Variants in METTL15 observed in about 807,000 individuals in gnomAD.
METTL15 encodes the protein methyltransferase 15, mitochondrial 12S rRNA N4-cytidine.
METTL15 carries 34 observed loss-of-function variants against 38.3 expected under a neutral mutation model. That is an observed-to-expected ratio of 0.89 (90% CI 0.68 to 1.18). The LOEUF is 1.18. Ranked by LOEUF, METTL15 falls within the 50% of genes most tolerant of loss-of-function variation. The pLI is 0.00. For synonymous variants in METTL15, 162 were observed against 170.9 expected, an observed-to-expected ratio of 0.95 and a Z score of 0.41; for missense variants, 438 against 498.4, an observed-to-expected ratio of 0.88 and a Z score of 1.15.
At chr11:28,451,162 A>C (rs1049339360) in intron 6 of METTL15, among the ~76,000 whole-genome samples, 1 of 152,210 alleles carries the variant, frequency 6.6e-6, no homozygotes, top group Non-Finnish European at 1.5e-5. Context: ...CAAAAAACTT[A>C]CGGGAAGAGC....
intron 4 of METTL15, among the ~76,000 whole-genome samples, chr11:28,354,442 A>T (rs1850072748): frequency 6.6e-6 from 1 of 152,204 alleles, no homozygotes; most frequent in Admixed American, 6.5e-5. Flanking sequence ...TAAGACAGAG[A>T]GGAACCTAAC....
intron 6 of METTL15, among the ~76,000 whole-genome samples, chr11:28,457,441 T>G (rs542492056): frequency 6.2e-4 from 94 of 152,354 alleles, no homozygotes; most frequent in African/African-American, 2.0e-3. Flanking sequence ...TTAAGCACTC[T>G]ATAATTTATG....
intron 3 of METTL15, among the ~76,000 whole-genome samples, chr11:28,171,160 A>C (rs939733478): frequency 6.6e-6 from 1 of 152,064 alleles, no homozygotes; most frequent in Admixed American, 6.6e-5. Flanking sequence ...ATACCTTTTT[A>C]TATTTCTTTA....
intron 4 of METTL15, among the ~76,000 whole-genome samples, chr11:28,270,748 A>G (rs1855610405): frequency 6.6e-6 from 1 of 152,210 alleles, no homozygotes; most frequent in Non-Finnish European, 1.5e-5. Flanking sequence ...GGTAGCTATC[A>G]GTCATTTGTT....
intron 6 of METTL15, among the ~76,000 whole-genome samples, chr11:28,461,085 G>A (rs1387389480): frequency 1.3e-5 from 2 of 151,942 alleles, no homozygotes; most frequent in African/African-American, 2.4e-5. Context: ...TTCCCAAGAA[G>A]GGGGACAGAT....
At chr11:28,325,320 G>T (rs1849598839) in intron 6 of METTL15, among the ~76,000 whole-genome samples, 1 of 152,172 alleles carries the variant, frequency 6.6e-6, no homozygotes, top group South Asian at 2.1e-4. Flanking sequence ...CCAAAGCACA[G>T]CCATGTTCCT....
At chr11:28,187,098 A>G (rs1851523283) in intron 3 of METTL15, among the ~76,000 whole-genome samples, 1 of 151,256 alleles carries the variant, frequency 6.6e-6, no homozygotes, top group African/African-American at 2.4e-5. Context: ...TAAATAATAG[A>G]AAGCTTCAAA....
intron 6 of METTL15, among the ~76,000 whole-genome samples, chr11:28,435,492 G>C (rs914216875): frequency 2.0e-5 from 3 of 152,140 alleles, no homozygotes; most frequent in South Asian, 2.1e-4. Context: ...ATGCTCCTCA[G>C]TCTATTGTTC....
intron 5 of METTL15, among the ~76,000 whole-genome samples, chr11:28,408,658 T>A (rs1850697649): frequency 6.6e-6 from 1 of 152,184 alleles, no homozygotes; most frequent in Non-Finnish European, 1.5e-5. Context: ...CAAAGACTAC[T>A]TAATGATGTG....
intron 5 of METTL15, among the ~76,000 whole-genome samples, chr11:28,410,515 A>G (rs1850715323): frequency 6.6e-6 from 1 of 152,188 alleles, no homozygotes; most frequent in Non-Finnish European, 1.5e-5. Context: ...AATAAAAAGT[A>G]TAAACACTTG....
chr11:28,111,958 TC>T (rs550588245), intron 2 of METTL15, among the ~76,000 whole-genome samples: 60 of 149,016 alleles, frequency 4.0e-4, no homozygotes, highest in African/African-American at 7.1e-4. Flanking sequence ...GATCACTCAT[TC>T]CCCCCCCCAC....
chr11:28,339,246 G>T (rs1849928476), intron 3 of METTL15, among the ~76,000 whole-genome samples: 1 of 151,992 alleles, frequency 6.6e-6, no homozygotes, highest in Admixed American at 6.6e-5. Context: ...ATCAAAAAGT[G>T]ACCAGTCATG....
intron 6 of METTL15, among the ~76,000 whole-genome samples, chr11:28,309,499 T>C (rs530097231): frequency 6.6e-6 from 1 of 152,190 alleles, no homozygotes; most frequent in Non-Finnish European, 1.5e-5. Flanking sequence ...TTTTAATTAT[T>C]ACCATTGAGT....
intron 3 of METTL15, among the ~76,000 whole-genome samples, chr11:28,177,580 A>C (rs1851123410): frequency 6.6e-6 from 1 of 152,004 alleles, no homozygotes; most frequent in Non-Finnish European, 1.5e-5. Context: ...ATTTTTTGGG[A>C]AAATCAGAAT....
At position 28,475,974 on chromosome 11, in the gene METTL15, T is replaced by G. The variant is rs536150774; in HGVS notation, c.*425-50504T>G. On this transcript the variant is annotated intron_variant and NMD_transcript_variant, in intron 6 of 7. Transcript: ENST00000532947. ...CTGCAGTCCTCTGTGGCATGCACAC[T>G]TTTTGGGAAACAGTGATCTTCAGCT... Among the ~76,000 whole-genome samples the G allele has an allele frequency of 2.0e-4, 30 of 152,312 alleles. No individual in the cohort carries two copies. The South Asian group carries it at 4.8e-3, about 24-fold the overall frequency.
chr11:28,219,662 A>G (rs1460132482), intron 4 of METTL15, among the ~76,000 whole-genome samples: 1 of 151,834 alleles, frequency 6.6e-6, no homozygotes, highest in Admixed American at 6.6e-5. Flanking sequence ...TAGGGTGTGA[A>G]TTTCAGATCT....
chr11:28,361,925 T>G (rs1017276583), intron 4 of METTL15: 1 of 152,182 alleles, frequency 6.6e-6, no homozygotes, highest in African/African-American at 2.4e-5. Context: ...TTATGTTTCT[T>G]ATGTTTTACA....
At chr11:28,137,920 C>G (rs1428479826) in intron 3 of METTL15, among the ~76,000 whole-genome samples, 3 of 151,882 alleles carry the variant, frequency 2.0e-5, no homozygotes, top group Non-Finnish European at 4.4e-5. Context: ...AGAAGAAGAT[C>G]CAGTAATTGT....
intron 6 of METTL15, among the ~76,000 whole-genome samples, chr11:28,515,096 A>G (rs1851708414): frequency 6.6e-6 from 1 of 152,210 alleles, no homozygotes; most frequent in African/African-American, 2.4e-5. Flanking sequence ...TTTTTAATTG[A>G]CTGCCTAATA....
Sources: allele counts gnomAD v4.1 joint callset (sites outside exome capture counted in the v4.1 genomes callset), GRCh38; gene constraint gnomAD v4.1.1; transcripts MANE v1.5; gene names NCBI Gene and HGNC (gene_info 2026-07-23, HGNC 2026-07-21).